CCDC141: variants seen among roughly 807,000 people sequenced by gnomAD.
CCDC141 encodes the protein coiled-coil domain-containing protein 141.
A neutral mutation model predicts 181.0 loss-of-function variants in CCDC141; 168 were observed. The ratio of observed to expected loss-of-function variants is 0.93; its 90% CI spans 0.82 to 1.05. The LOEUF is 1.05. Among genes scored for constraint, CCDC141 ranks in the 50% least tolerant of loss-of-function variants. The pLI is 0.00. For missense variants in CCDC141, 1,902 were observed against 1,788.5 expected, an observed-to-expected ratio of 1.06 and a Z score of -1.14; for synonymous variants, 666 against 642.3, an observed-to-expected ratio of 1.04 and a Z score of -0.56.
intron 2 of CCDC141, among the ~76,000 whole-genome samples, chr2:179,032,083 T>C (rs2043015183): frequency 6.6e-6 from 1 of 152,138 alleles, no homozygotes; most frequent in African/African-American, 2.4e-5. Flanking sequence ...CCCACTTTAC[T>C]GGCTTGACTC....
intron 2 of CCDC141, among the ~76,000 whole-genome samples, chr2:179,010,395 A>G (rs1373423054): frequency 6.6e-6 from 1 of 152,200 alleles, no homozygotes; most frequent in Non-Finnish European, 1.5e-5. Context: ...AAGAGCTGTG[A>G]GACAAAATTG....
chr2:178,998,075 T>C (rs1037017683), intron 2 of CCDC141, among the ~76,000 whole-genome samples: 1 of 151,824 alleles, frequency 6.6e-6, no homozygotes, highest in Non-Finnish European at 1.5e-5. Context: ...GTCTTATTTA[T>C]AAATTCAGCA....
At chr2:178,970,584 T>G (rs1690840738) in intron 4 of CCDC141, among the ~76,000 whole-genome samples, 1 of 152,158 alleles carries the variant, frequency 6.6e-6, no homozygotes, top group African/African-American at 2.4e-5. Flanking sequence ...AAACAGAAAC[T>G]GGACCCCGTC....
chr2:178,858,485 C>T (rs182105877), intron 17 of CCDC141, among the ~76,000 whole-genome samples: 1 of 152,154 alleles, frequency 6.6e-6, no homozygotes, highest in Admixed American at 6.5e-5. Flanking sequence ...AAAAACATCT[C>T]AATAATGAGT....
At chr2:178,885,723 G>A (rs73973180) in intron 10 of CCDC141, among the ~76,000 whole-genome samples, 35,140 of 152,000 alleles carry the variant, frequency 0.23, 5,952 homozygotes, top group East Asian at 0.87. Flanking sequence ...TAGAAATTGT[G>A]GGCATGACGA....
chr2:178,931,298 T>C (rs929568595), intron 6 of CCDC141, among the ~76,000 whole-genome samples: 4 of 152,096 alleles, frequency 2.6e-5, no homozygotes, highest in African/African-American at 9.7e-5. Flanking sequence ...AAATACCACA[T>C]GGTCTAGCAA....
At chr2:178,952,899 C>G (rs1027632618) in intron 5 of CCDC141, among the ~76,000 whole-genome samples, 2 of 152,144 alleles carry the variant, frequency 1.3e-5, no homozygotes, top group Non-Finnish European at 2.9e-5. Context: ...TTTGAGGCAG[C>G]AGCTCACATT....
chr2:178,826,751 T>C (rs1291026339), downstream of CCDC141, among the ~76,000 whole-genome samples: 1 of 152,066 alleles, frequency 6.6e-6, no homozygotes, highest in East Asian at 1.9e-4. Flanking sequence ...TTGTGTCTTC[T>C]CTCTTTTGGT....
At chr2:179,014,678 A>C in intron 2 of CCDC141, among the ~76,000 whole-genome samples, 1 of 152,306 alleles carries the variant, frequency 6.6e-6, no homozygotes, top group South Asian at 2.1e-4. Flanking sequence ...AATGCTCAGC[A>C]TCACTAATGA....
chr2:178,900,889 G>C (rs1335933662), intron 8 of CCDC141, among the ~76,000 whole-genome samples: 1 of 152,156 alleles, frequency 6.6e-6, no homozygotes, highest in Non-Finnish European at 1.5e-5. Flanking sequence ...ACAATTAGTA[G>C]CACAGGGCAG....
chr2:178,976,307 G>A (rs1027624658), intron 3 of CCDC141, among the ~76,000 whole-genome samples: 1 of 151,974 alleles, frequency 6.6e-6, no homozygotes, highest in African/African-American at 2.4e-5. Flanking sequence ...AGCTTACCAC[G>A]GTACTTATCT....
Position 178,850,166 on chromosome 2 carries a change from G to T in CCDC141, c.3245-5C>A. On this transcript the variant is annotated splice_polypyrimidine_tract_variant and splice_region_variant and intron_variant, in intron 20 of 23. Transcript: ENST00000443758. ...ATTTCTGTCCTTCTTCCAAACCTGG[G>T]GAGGAGAAGGATGAAACTAGTTTTA... 6.7e-7 allele frequency: 1 copy of T among 1,488,770 alleles called. No individual in the cohort carries two copies. Among genetic ancestry groups the T allele is most frequent in the Non-Finnish European group, 9.3e-7 (1 of 1,071,716 alleles). The allele number at this position is 1,488,770 out of a possible 1,614,324, so 92.2% of individuals were successfully genotyped here. A position where few individuals can be genotyped will look rare whatever the true frequency, so the allele number is the denominator to read the frequency against.
chr2:178,817,436 T>C, the CCDC141 span: 6 of 464,328 alleles, frequency 1.3e-5, no homozygotes, highest in Non-Finnish European at 2.7e-5. Flanking sequence ...GAAAGACTCA[T>C]GCTCTTTTTC....
downstream of CCDC141, among the ~76,000 whole-genome samples, chr2:178,829,248 C>T (rs748283432): frequency 5.3e-5 from 8 of 152,156 alleles, no homozygotes; most frequent in African/African-American, 1.2e-4. Context: ...TGCACTCTTG[C>T]TCTTTAAGGA....
intron 6 of CCDC141, among the ~76,000 whole-genome samples, chr2:178,937,359 TTG>T (rs1392544744): frequency 6.6e-6 from 1 of 152,194 alleles, no homozygotes; most frequent in Non-Finnish European, 1.5e-5. Flanking sequence ...CATGTAGTTT[TTG>T]TCTTTAGTTC....
chr2:179,015,399 A>ATC (rs1463477488), intron 2 of CCDC141, among the ~76,000 whole-genome samples: 1,154 of 114,334 alleles, frequency 0.01, 19 homozygotes, highest in African/African-American at 0.029. Flanking sequence ...TGTATCATAT[A>ATC]TCTCATATAT....
intron 2 of CCDC141, among the ~76,000 whole-genome samples, chr2:179,029,717 T>C (rs2042951378): frequency 6.6e-6 from 1 of 152,110 alleles, no homozygotes; most frequent in Non-Finnish European, 1.5e-5. Context: ...ACATGATTTA[T>C]TAAAAGGAAT....
chr2:178,980,141 G>A (rs145095905), intron 2 of CCDC141, among the ~76,000 whole-genome samples: 710 of 152,230 alleles, frequency 4.7e-3, no homozygotes, highest in African/African-American at 0.016. Flanking sequence ...GCTGAAAGAT[G>A]TCAATAAAAA....
Position 179,027,646 on chromosome 2 carries a change from CAAAAAAAAAAAAAAA to C in CCDC141, c.225+19623_225+19637del, listed in dbSNP as rs71023466. Among the ~76,000 whole-genome samples, 234 of 53,282 alleles carry C rather than the reference CAAAAAAAAAAAAAAA, an allele frequency of 4.4e-3. 2 individuals carry two copies. Among genetic ancestry groups the C allele is most frequent in the African/African-American group, 0.015 (211 of 14,468 alleles). The allele number at this position is 53,282 out of a possible 152,430, so 35.0% of individuals were successfully genotyped here. The stretch of plus-strand genomic sequence containing the variant: ...GGCAACAGAGTGAGACTCTTACTCT[CAAAAAAAAAAAAAAA>C]AAAAAAAAAAAAAAAAAAAAGTTTC... On this transcript the variant is annotated intron_variant, in intron 2 of 23. Transcript: ENST00000443758.
Sources: allele counts gnomAD v4.1 joint callset (sites outside exome capture counted in the v4.1 genomes callset), GRCh38; gene constraint gnomAD v4.1.1; transcripts MANE v1.5; gene names NCBI Gene and HGNC (gene_info 2026-07-23, HGNC 2026-07-21).